The following RAB2A variants were observed in gnomAD, a reference collection of about 807,000 sequenced individuals.
RAB2A encodes ras-related protein Rab-2A.
RAB2A carries 7 observed loss-of-function variants against 32.5 expected under a neutral mutation model. The observed-to-expected ratio is 0.22, with a 90% CI of 0.12 to 0.40. The LOEUF (loss-of-function observed/expected upper bound fraction) is 0.40. Ranked by LOEUF, RAB2A falls within the 10% of genes least tolerant of loss-of-function variation. The pLI is 1.00. For synonymous variants in RAB2A, 79 were observed against 85.2 expected, an observed-to-expected ratio of 0.93 and a Z score of 0.40; for missense variants, 108 against 260.7, an observed-to-expected ratio of 0.41 and a Z score of 4.03.
intron 1 of RAB2A, among the ~76,000 whole-genome samples, chr8:60,538,221 A>G (rs1462278972): frequency 6.6e-6 from 1 of 152,212 alleles, no homozygotes; most frequent in Non-Finnish European, 1.5e-5. Context: ...TGTATTTGCA[A>G]AAATACTGCA....
intron 2 of RAB2A, among the ~76,000 whole-genome samples, chr8:60,563,592 C>T (rs1808059756): frequency 6.6e-6 from 1 of 152,174 alleles, no homozygotes; most frequent in South Asian, 2.1e-4. Flanking sequence ...GCCGTGTGAT[C>T]TTGGTTCCAC....
At chr8:60,530,148 T>C (rs992543552) in intron 1 of RAB2A, among the ~76,000 whole-genome samples, 12 of 147,568 alleles carry the variant, frequency 8.1e-5, no homozygotes, top group African/African-American at 2.0e-4. Flanking sequence ...TTTTTTCTTT[T>C]TTTTTTTTTT....
chr8:60,606,799 G>T (rs1472948498), intron 6 of RAB2A, among the ~76,000 whole-genome samples: 2 of 152,260 alleles, frequency 1.3e-5, no homozygotes, highest in Non-Finnish European at 2.9e-5. Context: ...GAGTGGCTGA[G>T]ATACACAAGC....
intron 1 of RAB2A, among the ~76,000 whole-genome samples, chr8:60,532,638 G>A (rs938855730): frequency 2.0e-5 from 3 of 152,166 alleles, no homozygotes; most frequent in Middle Eastern, 6.8e-3. Context: ...AGCCTCCTGA[G>A]TAGCTGGGAC....
chr8:60,566,701 G>A (rs1340761329), intron 2 of RAB2A, among the ~76,000 whole-genome samples: 2 of 152,044 alleles, frequency 1.3e-5, no homozygotes, highest in Admixed American at 6.6e-5. Flanking sequence ...TAGCATACCC[G>A]TTAACCCAAA....
At chr8:60,558,068 T>G (rs1289577892) in intron 1 of RAB2A, among the ~76,000 whole-genome samples, 1 of 152,196 alleles carries the variant, frequency 6.6e-6, no homozygotes, top group Non-Finnish European at 1.5e-5. Context: ...TACTTAGCAT[T>G]CAATAAAGAC....
intron 1 of RAB2A, among the ~76,000 whole-genome samples, chr8:60,552,213 G>A (rs988356328): frequency 1.3e-5 from 2 of 151,954 alleles, no homozygotes; most frequent in Admixed American, 6.6e-5. Flanking sequence ...ATGTTGGCCA[G>A]GCTGGTCTTG....
intron 6 of RAB2A, among the ~76,000 whole-genome samples, chr8:60,593,476 A>G (rs942764106): frequency 6.6e-6 from 1 of 152,234 alleles, no homozygotes; most frequent in African/African-American, 2.4e-5. Context: ...GCAAGCCAGA[A>G]CACTCTTAGA....
At position 60,517,140 on chromosome 8, in the gene RAB2A, T is replaced by G. The variant is rs972144104; in HGVS notation, c.-68T>G. 4 of 1,427,620 alleles carry G rather than the reference T, an allele frequency of 2.8e-6. No individual in the cohort carries two copies. Among genetic ancestry groups the G allele is most frequent in the Non-Finnish European group, 3.7e-6 (4 of 1,077,480 alleles). 88.4% of individuals were successfully genotyped at this position (1,427,620 alleles called of 1,614,324 possible). A position where few individuals can be genotyped will look rare whatever the true frequency, so the allele number is the denominator to read the frequency against. The stretch of plus-strand genomic sequence containing the variant: ...GTTTCGAGGCTGAGCGGCACCGGGG[T>G]TGGGGCGCGGAGGAGGAGCAGCAGC... On this transcript the variant is annotated 5_prime_UTR_variant, in exon 1 of 8. Coordinates refer to ENST00000262646, the MANE Select transcript of RAB2A (RefSeq NM_002865.3).
chr8:60,518,470 ACGTGGTGAAACCC>A (rs1316200132), intron 1 of RAB2A, among the ~76,000 whole-genome samples: 2 of 151,964 alleles, frequency 1.3e-5, no homozygotes, highest in Non-Finnish European at 2.9e-5. Context: ...TGCTTGGCCA[ACGTGGTGAAACCC>A]CGTCTCTACT....
intron 6 of RAB2A, among the ~76,000 whole-genome samples, chr8:60,611,501 T>C (rs1804347466): frequency 6.6e-6 from 1 of 152,236 alleles, no homozygotes; most frequent in African/African-American, 2.4e-5. Flanking sequence ...GTTTTTCTTC[T>C]ATGTTCGCAT....
At chr8:60,609,301 T>G (rs1792412966) in intron 6 of RAB2A, among the ~76,000 whole-genome samples, 2 of 152,234 alleles carry the variant, frequency 1.3e-5, no homozygotes, top group Admixed American at 1.3e-4. Flanking sequence ...ATGTGTTCCA[T>G]GACACCAGCA....
chr8:60,581,642 TA>T (rs1164442318), intron 3 of RAB2A, among the ~76,000 whole-genome samples: 7 of 152,194 alleles, frequency 4.6e-5, no homozygotes, highest in Admixed American at 1.3e-4. Context: ...AATTAATCCC[TA>T]AAGATCTAGT....
At chr8:60,573,378 A>G (rs906919173) in intron 3 of RAB2A, among the ~76,000 whole-genome samples, 1 of 152,240 alleles carries the variant, frequency 6.6e-6, no homozygotes, top group East Asian at 1.9e-4. Flanking sequence ...GGAACCTTAG[A>G]GAACATCCGG....
intron 2 of RAB2A, among the ~76,000 whole-genome samples, chr8:60,560,916 CTG>C (rs770627659): frequency 6.6e-6 from 1 of 152,110 alleles, no homozygotes; most frequent in Non-Finnish European, 1.5e-5. Context: ...GTTTGGAAAA[CTG>C]TAACTCATAT....
intron 6 of RAB2A, among the ~76,000 whole-genome samples, chr8:60,608,483 C>CTCTTCCTCTCCTTCTTCCTCTCCT (rs60627947): frequency 7.4e-4 from 98 of 132,992 alleles, no homozygotes; most frequent in African/African-American, 3.1e-3. Context: ...CTCCCTCTCC[C>CTCTTCCTCTCCTTCTTCCTCTCCT]TCTTCCTCTC....
chr8:60,576,802 C>T (rs1803641305), intron 3 of RAB2A, among the ~76,000 whole-genome samples: 1 of 152,214 alleles, frequency 6.6e-6, no homozygotes, highest in Non-Finnish European at 1.5e-5. Context: ...GCTCCCATTA[C>T]TGTCACTTCC....
intron 7 of RAB2A, among the ~76,000 whole-genome samples, chr8:60,620,433 A>G (rs1395311882): frequency 6.6e-6 from 1 of 152,264 alleles, no homozygotes; most frequent in Admixed American, 6.5e-5. Flanking sequence ...GCATTATCCA[A>G]TAACTGTTTA....
rs543321036 is a variant in RAB2A, at chr8:60,520,231, A to C, written c.46+2978A>C. Among the ~76,000 whole-genome samples the C allele has an allele frequency of 1.6e-4, 25 of 152,316 alleles. 1 individual carries two copies. Among genetic ancestry groups the C allele is most frequent in the East Asian group, 9.6e-4 (5 of 5,190 alleles). On this transcript the variant is annotated intron_variant, in intron 1 of 7. Transcript: ENST00000262646. Reference sequence around the variant, plus strand: ...AAGAGGTTTTAAAAACTTTTACATGATCATGATGATACTATTGAGCTGTTT... The same window carrying C: ...AAGAGGTTTTAAAAACTTTTACATGCTCATGATGATACTATTGAGCTGTTT...
Sources: gnomAD v4.1 joint callset for allele counts (sites outside exome capture counted in the v4.1 genomes callset) on GRCh38, gnomAD v4.1.1 for gene constraint, MANE v1.5 for transcripts, NCBI Gene and HGNC (gene_info 2026-07-23, HGNC 2026-07-21) for gene names.